Variants in PPCDC observed in about 807,000 individuals in gnomAD.
PPCDC encodes phosphopantothenoylcysteine decarboxylase.
Under a neutral mutation model 20.7 loss-of-function variants are expected in PPCDC, and 20 were observed. The ratio of observed to expected loss-of-function variants is 0.97; its 90% CI spans 0.68 to 1.41. PPCDC has a LOEUF of 1.41. Ranked by LOEUF, PPCDC falls within the 40% of genes most tolerant of loss-of-function variation. PPCDC has a pLI of 0.00. For missense variants in PPCDC, 246 were observed against 263.8 expected (o/e 0.93, Z 0.47); for synonymous variants, 88 against 100.3 (o/e 0.88, Z 0.73).
chr15:75,035,982 A>G (rs997217942), intron 2 of PPCDC, among the ~76,000 whole-genome samples: 7 of 149,198 alleles, frequency 4.7e-5, no homozygotes, highest in Non-Finnish European at 1.0e-4. Context: ...AAAAAAAAAA[A>G]AGGAAAAAAA....
intron 2 of PPCDC, among the ~76,000 whole-genome samples, chr15:75,033,527 G>C (rs2066050148): frequency 6.7e-6 from 1 of 149,978 alleles, no homozygotes; most frequent in Admixed American, 6.6e-5. Context: ...TTTTTTGTTT[G>C]TTTGTTTGTT....
chr15:75,025,883 A>G (rs1179723595), intron 1 of PPCDC, among the ~76,000 whole-genome samples: 1 of 152,196 alleles, frequency 6.6e-6, no homozygotes, highest in Non-Finnish European at 1.5e-5. Context: ...CCTCGCCTCC[A>G]AATGTTGGTT....
At chr15:75,037,084 G>T (rs559066232) in intron 2 of PPCDC, among the ~76,000 whole-genome samples, 1 of 152,300 alleles carries the variant, frequency 6.6e-6, no homozygotes, top group East Asian at 1.9e-4. Flanking sequence ...TCAGGAAGTA[G>T]CTTTCCAAAT....
At chr15:75,045,867 G>A (rs1377159031) in intron 4 of PPCDC, among the ~76,000 whole-genome samples, 1 of 150,678 alleles carries the variant, frequency 6.6e-6, no homozygotes, top group Non-Finnish European at 1.5e-5. Context: ...AATAGCCAGT[G>A]CGCTCCAGCC....
chr15:75,049,937 T>G lies in PPCDC; in HGVS notation c.*702T>G, dbSNP rs1174359290. On this transcript the variant is annotated 3_prime_UTR_variant, in exon 6 of 6. Transcript: ENST00000342932. The stretch of plus-strand genomic sequence containing the variant: ...TCCCAGCTCTGCCGCTTACTAGCAG[T>G]GGCAGTTTGGTTCAGGACTTAGCCT... 6.6e-6 allele frequency: 1 copy of G among 152,238 alleles called. No individual in the cohort carries two copies. The highest frequency in any genetic ancestry group is 1.5e-5 in the Non-Finnish European group (1 of 68,068). The allele number at this position is 152,238 out of a possible 1,614,324, so 9.4% of individuals were successfully genotyped here. A position where few individuals can be genotyped will look rare whatever the true frequency, so the allele number is the denominator to read the frequency against.
chr15:75,034,633 T>G (rs1282489210), intron 2 of PPCDC, among the ~76,000 whole-genome samples: 1 of 152,238 alleles, frequency 6.6e-6, no homozygotes, highest in Non-Finnish European at 1.5e-5. Context: ...GCTTCTTAGC[T>G]GGCCGCTAGG....
At chr15:75,028,160 G>C in intron 1 of PPCDC, 87 bp from the exon 2 acceptor site, 3 of 970,338 alleles carry the variant, frequency 3.1e-6, no homozygotes, top group Non-Finnish European at 4.5e-6. Context: ...CGCTGCCTCA[G>C]CCTCTGGCCT....
At chr15:75,026,932 C>A (rs2065966546) in intron 1 of PPCDC, among the ~76,000 whole-genome samples, 1 of 152,126 alleles carries the variant, frequency 6.6e-6, no homozygotes, top group Admixed American at 6.5e-5. Context: ...ACACCATGGT[C>A]AGGGCCCAGG....
intron 2 of PPCDC, among the ~76,000 whole-genome samples, chr15:75,037,931 C>T (rs921201088): frequency 2.6e-5 from 4 of 151,958 alleles, no homozygotes; most frequent in Admixed American, 6.6e-5. Flanking sequence ...GTGTGGGAAA[C>T]GTCAAAGGGG....
chr15:75,024,366 G>A (rs946922992), intron 1 of PPCDC, among the ~76,000 whole-genome samples: 2 of 149,396 alleles, frequency 1.3e-5, no homozygotes, highest in Non-Finnish European at 3.0e-5. Flanking sequence ...TTTTTTTTTT[G>A]AGACAAGGTC....
chr15:75,038,784 G>A (rs1341284681), intron 2 of PPCDC, among the ~76,000 whole-genome samples: 3 of 151,380 alleles, frequency 2.0e-5, no homozygotes, highest in African/African-American at 4.9e-5. Flanking sequence ...TGTTCTCTCT[G>A]GAACTCTTTA....
At chr15:75,035,136 C>G (rs1273165884) in intron 2 of PPCDC, among the ~76,000 whole-genome samples, 1 of 152,188 alleles carries the variant, frequency 6.6e-6, no homozygotes. Context: ...CAGGTAGGGC[C>G]GTTCCCATCA....
chr15:75,039,666 T>C (rs1055667505), intron 2 of PPCDC, among the ~76,000 whole-genome samples: 1 of 152,246 alleles, frequency 6.6e-6, no homozygotes, highest in African/African-American at 2.4e-5. Flanking sequence ...AATCTTATCT[T>C]GTAGGATCTG....
At chr15:75,035,078 C>T (rs186674668) in intron 2 of PPCDC, among the ~76,000 whole-genome samples, 153 of 152,264 alleles carry the variant, frequency 1.0e-3, no homozygotes, top group Admixed American at 4.2e-3. Flanking sequence ...AGTCACACCT[C>T]AGATGCTCAG....
intron 2 of PPCDC, among the ~76,000 whole-genome samples, chr15:75,036,689 GT>G (rs1362049180): frequency 6.6e-6 from 1 of 152,180 alleles, no homozygotes; most frequent in African/African-American, 2.4e-5. Context: ...CCAGGGGACA[GT>G]GGGGGCCTAA....
intron 1 of PPCDC, among the ~76,000 whole-genome samples, chr15:75,027,640 C>T (rs566801955): frequency 2.6e-5 from 4 of 152,278 alleles, no homozygotes; most frequent in South Asian, 2.1e-4. Flanking sequence ...CCCAGTCCAC[C>T]GCAGCAGCTC....
intron 2 of PPCDC, 187 bp from the exon 3 acceptor site, chr15:75,043,254 T>A (rs2141495287): frequency 1.8e-6 from 1 of 569,570 alleles, no homozygotes; most frequent in East Asian, 3.1e-5. Flanking sequence ...TGATAGGGCC[T>A]GACCTTTGGG....
rs75161384 is a variant in PPCDC at position 75,036,420 on chromosome 15, C to G, written c.136-7021C>G. On this transcript the variant is annotated intron_variant, in intron 2 of 5. Coordinates refer to ENST00000342932, the MANE Select transcript of PPCDC (RefSeq NM_021823.5). ...ACTAGTCTGGGCCTGCTAGACAGCACTGGGGTCAGTCAGGGTCACCTCCAA... is the reference window on the plus strand; with the variant it reads ...ACTAGTCTGGGCCTGCTAGACAGCAGTGGGGTCAGTCAGGGTCACCTCCAA... Among the ~76,000 whole-genome samples the G allele has an allele frequency of 4.7e-3, 723 of 152,306 alleles. 25 individuals carry two copies. In the East Asian group the frequency reaches 0.076, roughly 16 times the overall value.
At chr15:75,048,963 T>A (rs370120136) in intron 5 of PPCDC, among the ~76,000 whole-genome samples, 187 bp from the exon 6 acceptor site, 6 of 152,190 alleles carry the variant, frequency 3.9e-5, no homozygotes, top group African/African-American at 1.4e-4. Context: ...TAAGGATGGC[T>A]ACTGGAACGA....
Sources: gnomAD v4.1 joint callset for allele counts (sites outside exome capture counted in the v4.1 genomes callset) on GRCh38, gnomAD v4.1.1 for gene constraint, MANE v1.5 for transcripts, NCBI Gene and HGNC (gene_info 2026-07-23, HGNC 2026-07-21) for gene names.